The following SEPTIN9 variants were observed in gnomAD, a reference collection of about 807,000 sequenced individuals.
SEPTIN9 encodes the protein septin-9.
A neutral mutation model predicts 56.6 loss-of-function variants in SEPTIN9; 13 were observed. The ratio of observed to expected loss-of-function variants is 0.23; its 90% CI spans 0.15 to 0.37. The LOEUF is 0.37. SEPTIN9 is among the 10% of genes least tolerant of loss of function. SEPTIN9 has a pLI of 1.00. For synonymous variants in SEPTIN9, 332 were observed against 334.1 expected, an observed-to-expected ratio of 0.99 and a Z score of 0.07; for missense variants, 650 against 823.1, an observed-to-expected ratio of 0.79 and a Z score of 2.57.
chr17:77,358,585 G>A (rs2034325189), intron 2 of SEPTIN9, among the ~76,000 whole-genome samples: 1 of 152,092 alleles, frequency 6.6e-6, no homozygotes, highest in Non-Finnish European at 1.5e-5. Flanking sequence ...GTTGCAGTGA[G>A]CCGAGATCGC....
chr17:77,339,928 T>C (rs1005088676), intron 2 of SEPTIN9, among the ~76,000 whole-genome samples: 2 of 151,478 alleles, frequency 1.3e-5, no homozygotes, highest in Admixed American at 6.6e-5. Flanking sequence ...CAGGTTCAAG[T>C]GATTCTCCTG....
chr17:77,405,227 C>CT lies in SEPTIN9; in HGVS notation c.721+2524_721+2525insT. The CT allele has an allele frequency of 8.1e-7, 1 of 1,240,200 alleles. No individual in the cohort carries two copies. Among genetic ancestry groups the CT allele is most frequent in the South Asian group, 1.4e-5 (1 of 72,858 alleles). 76.8% of individuals were successfully genotyped at this position (1,240,200 alleles called of 1,614,324 possible). A position where few individuals can be genotyped will look rare whatever the true frequency, so the allele number is the denominator to read the frequency against. ...CCCCTAAATTGTGCCAGAGACTGTG[C>CT]CGGGAGCCAGGCCCAGGGACACAAC... On this transcript the variant is annotated intron_variant, in intron 3 of 11. Transcript: ENST00000427177. The surrounding 1 kb of genome is among the most constrained non-coding windows in gnomAD (Gnocchi z 5.8).
intron 3 of SEPTIN9, among the ~76,000 whole-genome samples, chr17:77,479,162 A>G (rs2039344645): frequency 6.6e-6 from 1 of 152,242 alleles, no homozygotes; most frequent in South Asian, 2.1e-4. Flanking sequence ...GGCAAACGTT[A>G]TGACAATTAA....
intron 2 of SEPTIN9, among the ~76,000 whole-genome samples, chr17:77,388,113 T>C (rs2035403938): frequency 6.6e-6 from 1 of 152,140 alleles, no homozygotes; most frequent in South Asian, 2.1e-4. Flanking sequence ...TCTCGCGGTA[T>C]ACCAGGGGTC....
At chr17:77,304,464 G>C (rs1449020974) in intron 1 of SEPTIN9, among the ~76,000 whole-genome samples, 2 of 152,148 alleles carry the variant, frequency 1.3e-5, no homozygotes, top group East Asian at 3.8e-4. Context: ...TGTTTCCTAC[G>C]GATAAGAGGC....
chr17:77,413,359 T>G (rs535422919), intron 3 of SEPTIN9, among the ~76,000 whole-genome samples: 1 of 152,208 alleles, frequency 6.6e-6, no homozygotes, highest in African/African-American at 2.4e-5. Context: ...TTTTTCTTTC[T>G]TCTTAAAATT....
intron 3 of SEPTIN9, among the ~76,000 whole-genome samples, chr17:77,474,797 T>G (rs78194527): frequency 0.03 from 4,618 of 152,238 alleles, 163 homozygotes; most frequent in South Asian, 0.091. Context: ...ATCTGTGAAA[T>G]GGGACAATAA....
intron 4 of SEPTIN9, 188 bp downstream of exon 4, chr17:77,482,523 C>T (rs1281198564): frequency 2.6e-5 from 19 of 727,686 alleles, no homozygotes; most frequent in East Asian, 2.4e-4. Context: ...CAGCCTCCAG[C>T]GGCTCCTCAG....
At chr17:77,307,015 G>C in intron 1 of SEPTIN9, 126 bp from the exon 2 acceptor site, 1 of 911,726 alleles carries the variant, frequency 1.1e-6, no homozygotes, top group Non-Finnish European at 1.8e-6. Flanking sequence ...CCCCAGATGG[G>C]CCCCGTTTCT....
At chr17:77,484,750 T>G (rs992786226) in intron 4 of SEPTIN9, among the ~76,000 whole-genome samples, 243 of 15,542 alleles carry the variant, frequency 0.016, no homozygotes, top group Non-Finnish European at 0.018. Context: ...TGGTGGTGGT[T>G]GTGATGGTGG....
chr17:77,346,062 T>C (rs2033882356), intron 2 of SEPTIN9, among the ~76,000 whole-genome samples: 1 of 152,232 alleles, frequency 6.6e-6, no homozygotes, highest in African/African-American at 2.4e-5. Flanking sequence ...GCCATTCTCC[T>C]GCCTCAGCCT....
chr17:77,350,610 AGTGTGT>A (rs57851361), intron 2 of SEPTIN9, among the ~76,000 whole-genome samples: 21 of 149,392 alleles, frequency 1.4e-4, no homozygotes, highest in African/African-American at 3.7e-4. Context: ...CCTCCAGTGC[AGTGTGT>A]GTGTGTGTGT....
intron 2 of SEPTIN9, among the ~76,000 whole-genome samples, chr17:77,361,691 G>A (rs2034422064): frequency 6.6e-6 from 1 of 151,098 alleles, no homozygotes; most frequent in South Asian, 2.1e-4. Context: ...GGAGTGCAGT[G>A]GCGCTATCTC....
At chr17:77,399,784 C>T (rs312863) in intron 2 of SEPTIN9, among the ~76,000 whole-genome samples, 37,540 of 151,802 alleles carry the variant, frequency 0.25, 5,752 homozygotes, top group East Asian at 0.81. Context: ...CAGAACACAG[C>T]CAGCAGTTTG....
At chr17:77,413,225 A>G (rs1034536696) in intron 3 of SEPTIN9, among the ~76,000 whole-genome samples, 6 of 152,108 alleles carry the variant, frequency 3.9e-5, no homozygotes, top group African/African-American at 1.4e-4. Context: ...AAGCAGCAAC[A>G]TAATAATCTC....
At position 77,429,175 on chromosome 17, in the gene SEPTIN9, C is replaced by A. The variant is rs574288854; in HGVS notation, c.721+26472C>A. The stretch of plus-strand genomic sequence containing the variant: ...GTGTCTGCAGCTCCTGAGGCCAAGA[C>A]CAAGGCTGAGGCCGAGGCTGAGGCT... On this transcript the variant is annotated intron_variant, in intron 3 of 11. Coordinates refer to ENST00000427177, the MANE Select transcript of SEPTIN9 (RefSeq NM_001113491.2). This position sits in a 1 kb window ranked among gnomAD's most constrained non-coding sequence, Gnocchi z 5.2. 21 of 472,016 alleles carry A rather than the reference C, an allele frequency of 4.4e-5. No individual in the cohort carries two copies. The highest frequency in any genetic ancestry group is 7.9e-5 in the Non-Finnish European group (18 of 227,496). The allele number at this position is 472,016 out of a possible 1,614,324, so 29.2% of individuals were successfully genotyped here.
Position 77,297,938 on chromosome 17 carries a change from C to A in SEPTIN9, c.20-9203C>A, listed in dbSNP as rs150126952. 3.3e-5 allele frequency among the ~76,000 whole-genome samples: 5 copies of A among 152,212 alleles called. No individual in the cohort carries two copies. The East Asian group carries it at 9.6e-4, about 29-fold the overall frequency. On this transcript the variant is annotated intron_variant, in intron 1 of 11. Transcript: ENST00000427177. ...TTGAGATTGGGAAGACAGGAAGGAGCCAGCAGTGCAAGGACTAGGCTGGAA... is the reference window on the plus strand; with the variant it reads ...TTGAGATTGGGAAGACAGGAAGGAGACAGCAGTGCAAGGACTAGGCTGGAA...
intron 10 of SEPTIN9, chr17:77,496,927 G>T: frequency 3.6e-6 from 1 of 278,324 alleles, no homozygotes; most frequent in Non-Finnish European, 7.1e-6. Flanking sequence ...CTGTCTTCAG[G>T]CCCCTGCTGG....
chr17:77,383,603 C>T (rs928096579), intron 2 of SEPTIN9, among the ~76,000 whole-genome samples: 1 of 152,190 alleles, frequency 6.6e-6, no homozygotes, highest in Non-Finnish European at 1.5e-5. Context: ...TGCCTCTGCC[C>T]CACTTCAGCC....
Sources: allele counts gnomAD v4.1 joint callset (sites outside exome capture counted in the v4.1 genomes callset), GRCh38; gene constraint gnomAD v4.1.1; non-coding constraint Gnocchi (gnomAD v3.1); transcripts MANE v1.5; gene names NCBI Gene and HGNC (gene_info 2026-07-23, HGNC 2026-07-21).